Variants in SYT6 observed in about 807,000 individuals in gnomAD.
SYT6 encodes synaptotagmin 6.
A neutral mutation model predicts 38.4 loss-of-function variants in SYT6; 24 were observed. The ratio of observed to expected loss-of-function variants is 0.62; its 90% CI spans 0.45 to 0.88. The LOEUF is 0.88. Among genes scored for constraint, SYT6 ranks in the 40% least tolerant of loss-of-function variants. The pLI, the probability that SYT6 is intolerant of heterozygous loss-of-function variation, is 0.00. For synonymous variants in SYT6, 265 were observed against 241.9 expected, an observed-to-expected ratio of 1.10 and a Z score of -0.89; for missense variants, 611 against 621.0, an observed-to-expected ratio of 0.98 and a Z score of 0.17.
chr1:114,123,875 TC>T (rs1677563400), intron 3 of SYT6, among the ~76,000 whole-genome samples: 1 of 152,242 alleles, frequency 6.6e-6, no homozygotes, highest in Non-Finnish European at 1.5e-5. Context: ...CCCGGCTCTT[TC>T]CCTGGCAGCC....
intron 1 of SYT6, among the ~76,000 whole-genome samples, chr1:114,141,095 T>G (rs1403604980): frequency 6.6e-6 from 1 of 152,196 alleles, no homozygotes; most frequent in Non-Finnish European, 1.5e-5. Context: ...TAACCTTACT[T>G]TGACTTCTAA....
intron 3 of SYT6, among the ~76,000 whole-genome samples, chr1:114,107,320 A>AC (rs1443353357): frequency 1.3e-5 from 2 of 152,038 alleles, no homozygotes; most frequent in Admixed American, 6.5e-5. Flanking sequence ...TTTTTGCAGG[A>AC]CCCCTGCTCT....
rs117948742 is a variant in SYT6, at chr1:114,098,146, G to A, written c.1365-269C>T. On this transcript the variant is annotated intron_variant, in intron 5 of 7. Coordinates refer to ENST00000610222, the MANE Select transcript of SYT6 (RefSeq NM_001253772.2). ...TGGTGGGCAGATAGCCTGAGTATGCGAGGTGAGACAGTCTAAGTCTCTTCA... is the reference window on the plus strand; with the variant it reads ...TGGTGGGCAGATAGCCTGAGTATGCAAGGTGAGACAGTCTAAGTCTCTTCA... Among the ~76,000 whole-genome samples the A allele has an allele frequency of 6.0e-3, 916 of 152,292 alleles. 18 individuals carry two copies. Among genetic ancestry groups the A allele is most frequent in the East Asian group, 0.037 (190 of 5,180 alleles).
chr1:114,097,261 A>T (rs1327813420), intron 6 of SYT6, among the ~76,000 whole-genome samples: 1 of 152,222 alleles, frequency 6.6e-6, no homozygotes, highest in Non-Finnish European at 1.5e-5. Flanking sequence ...CATTCATAAG[A>T]GGAGGAATCT....
chr1:114,150,465 A>G (rs1338209158), intron 1 of SYT6, among the ~76,000 whole-genome samples: 1 of 152,206 alleles, frequency 6.6e-6, no homozygotes, highest in Admixed American at 6.5e-5. Flanking sequence ...TTCCAGTGAG[A>G]AGGACAAACA....
intron 1 of SYT6, among the ~76,000 whole-genome samples, chr1:114,141,349 G>C (rs1571895543): frequency 6.6e-6 from 1 of 152,338 alleles, no homozygotes; most frequent in East Asian, 1.9e-4. Flanking sequence ...GAGAGCTTTA[G>C]TGGTCTGGAC....
intron 3 of SYT6, among the ~76,000 whole-genome samples, chr1:114,114,927 C>T (rs939340552): frequency 2.0e-5 from 3 of 152,210 alleles, no homozygotes; most frequent in African/African-American, 7.2e-5. Flanking sequence ...TGGCCCTCAC[C>T]ACTTACTTCC....
At chr1:114,144,172 G>C (rs1160042096) in intron 1 of SYT6, among the ~76,000 whole-genome samples, 1 of 152,138 alleles carries the variant, frequency 6.6e-6, no homozygotes, top group Non-Finnish European at 1.5e-5. Context: ...TTGAACATGG[G>C]CTCCCACATG....
chr1:114,127,890 C>G (rs1426873191), intron 3 of SYT6, among the ~76,000 whole-genome samples: 1 of 152,192 alleles, frequency 6.6e-6, no homozygotes. Flanking sequence ...AAATGAACAT[C>G]CAGCAAAGAC....
At chr1:114,094,438 C>T (rs956245419) in intron 6 of SYT6, among the ~76,000 whole-genome samples, 4 of 152,142 alleles carry the variant, frequency 2.6e-5, no homozygotes, top group Non-Finnish European at 4.4e-5. Flanking sequence ...TGGAGAAGAG[C>T]GCTGGTCAAC....
chr1:114,153,529 G>T, intron 1 of SYT6, 81 bp downstream of exon 1: 1 of 564,858 alleles, frequency 1.8e-6, no homozygotes. Flanking sequence ...AGGTTCTGGG[G>T]CTCCTGGGAC....
intron 3 of SYT6, among the ~76,000 whole-genome samples, chr1:114,121,603 ATG>A (rs1677405423): frequency 6.6e-6 from 1 of 152,226 alleles, no homozygotes; most frequent in East Asian, 1.9e-4. Context: ...TAAAATAAGA[ATG>A]TAATACTTTA....
At chr1:114,115,377 A>T (rs1394901006) in intron 3 of SYT6, among the ~76,000 whole-genome samples, 1 of 151,430 alleles carries the variant, frequency 6.6e-6, no homozygotes, top group Non-Finnish European at 1.5e-5. Context: ...ATTAACAGTT[A>T]TGGAGCATCT....
At chr1:114,113,097 T>TG (rs1481385915) in intron 3 of SYT6, among the ~76,000 whole-genome samples, 2 of 152,184 alleles carry the variant, frequency 1.3e-5, no homozygotes, top group Non-Finnish European at 2.9e-5. Flanking sequence ...ATCATCTCTT[T>TG]GGGGACAGTC....
At chr1:114,129,840 T>G (rs796783927) in intron 3 of SYT6, among the ~76,000 whole-genome samples, 56,899 of 142,746 alleles carry the variant, frequency 0.4, 12,979 homozygotes, top group South Asian at 0.62. Context: ...CCACACCTGT[T>G]TTTTTTTTTT....
intron 3 of SYT6, among the ~76,000 whole-genome samples, chr1:114,123,621 G>A (rs977879578): frequency 1.3e-5 from 2 of 152,188 alleles, no homozygotes; most frequent in Non-Finnish European, 2.9e-5. Flanking sequence ...TTCCTTTTGG[G>A]TTTTCTTTCT....
intron 1 of SYT6, among the ~76,000 whole-genome samples, chr1:114,150,334 G>A (rs920392977): frequency 1.3e-5 from 2 of 152,162 alleles, no homozygotes; most frequent in Non-Finnish European, 2.9e-5. Context: ...TTAGATACTG[G>A]ACCCTGCTTC....
intron 1 of SYT6, among the ~76,000 whole-genome samples, chr1:114,145,417 A>G (rs1050633554): frequency 1.2e-4 from 18 of 152,046 alleles, no homozygotes; most frequent in Non-Finnish European, 2.1e-4. Flanking sequence ...CTGGGCTACA[A>G]CCCAGCCAGT....
intron 3 of SYT6, among the ~76,000 whole-genome samples, chr1:114,134,603 A>G (rs1419366541): frequency 6.6e-6 from 1 of 152,218 alleles, no homozygotes; most frequent in South Asian, 2.1e-4. Context: ...GGCCACATGG[A>G]GGATGACGGC....
Sources: allele counts gnomAD v4.1 joint callset (sites outside exome capture counted in the v4.1 genomes callset), GRCh38; gene constraint gnomAD v4.1.1; transcripts MANE v1.5; gene names NCBI Gene and HGNC (gene_info 2026-07-23, HGNC 2026-07-21).